The following GSE1 variants were observed in gnomAD, a reference collection of about 807,000 sequenced individuals.
GSE1 encodes Gse1 coiled-coil protein.
A neutral mutation model predicts 112.6 loss-of-function variants in GSE1; 32 were observed. The ratio of observed to expected loss-of-function variants is 0.28; its 90% CI spans 0.21 to 0.38. The LOEUF (loss-of-function observed/expected upper bound fraction) is 0.38, where lower values mean the gene tolerates loss of function less well. Ranked by LOEUF, GSE1 falls within the 10% of genes least tolerant of loss-of-function variation. The pLI, the probability that GSE1 is intolerant of heterozygous loss-of-function variation, is 1.00. For missense variants in GSE1, 2,348 were observed against 1,699.2 expected (o/e 1.38, Z -6.71); for synonymous variants, 1,115 against 735.6 (o/e 1.52, Z -8.35).
At chr16:85,587,607 C>A (rs1461428754) in intron 1 of GSE1, among the ~76,000 whole-genome samples, 5 of 152,116 alleles carry the variant, frequency 3.3e-5, no homozygotes, top group African/African-American at 1.2e-4. Context: ...CAGCCCAGGC[C>A]CCCTGTTGGT....
chr16:85,201,747 T>C (rs2075033260), intron 1 of GSE1, among the ~76,000 whole-genome samples: 1 of 152,150 alleles, frequency 6.6e-6, no homozygotes, highest in African/African-American at 2.4e-5. Flanking sequence ...GCCCCACAGT[T>C]CCAGACTTCA....
chr16:85,219,140 A>T (rs909414553), intron 1 of GSE1, among the ~76,000 whole-genome samples: 1 of 152,056 alleles, frequency 6.6e-6, no homozygotes, highest in Non-Finnish European at 1.5e-5. Context: ...AGCTTCCCAA[A>T]GTACTGGGAT....
intron 1 of GSE1, among the ~76,000 whole-genome samples, chr16:85,309,645 A>G (rs1425506400): frequency 6.6e-6 from 1 of 152,258 alleles, no homozygotes; most frequent in Non-Finnish European, 1.5e-5. Flanking sequence ...CCACAGTGCC[A>G]GGACCTGTCC....
intron 2 of GSE1, among the ~76,000 whole-genome samples, chr16:85,635,086 A>T (rs1206216770): frequency 6.6e-6 from 1 of 152,080 alleles, no homozygotes; most frequent in Non-Finnish European, 1.5e-5. Flanking sequence ...CCGTCTTTAC[A>T]TTACCCGGGT....
In GSE1 at chr16:85,598,013, C is replaced by T. The variant is rs140817068; in HGVS notation, c.37+41650C>T. Among the ~76,000 whole-genome samples the T allele has an allele frequency of 2.6e-3, 402 of 152,120 alleles. 3 individuals carry two copies. Among genetic ancestry groups the T allele is most frequent in the African/African-American group, 9.3e-3 (384 of 41,476 alleles). On this transcript the variant is annotated intron_variant, in intron 1 of 2. Coordinates refer to the GSE1 transcript ENST00000635906. The stretch of plus-strand genomic sequence containing the variant: ...GTAGAGAGGAGAGTGGAAAATGGAA[C>T]ATAAAATACCAAAATGACTGGTGCA...
At position 85,576,812 on chromosome 16, in the gene GSE1, G is replaced by A. The variant is rs2151365431; in HGVS notation, c.37+20449G>A. ...CTGGTGTGTCCTTGGGGATCATGGT[G>A]CTTCTGTCTTGCTTTGCCACTGCAA... On this transcript the variant is annotated intron_variant, in intron 1 of 2. Transcript: ENST00000635906. Among the ~76,000 whole-genome samples, 3 of 152,296 alleles carry A rather than the reference G, an allele frequency of 2.0e-5. No individual in the cohort carries two copies. In the South Asian group the frequency reaches 6.2e-4, roughly 32 times the overall value.
intron 1 of GSE1, among the ~76,000 whole-genome samples, chr16:85,197,538 G>A (rs1259841820): frequency 6.6e-6 from 1 of 152,190 alleles, no homozygotes; most frequent in African/African-American, 2.4e-5. Context: ...AAATAATTCA[G>A]GTCTTCCACT....
exon 1 of GSE1, chr16:85,556,115 G>C: frequency 3.1e-6 from 3 of 976,464 alleles, no homozygotes; most frequent in Non-Finnish European, 3.6e-6. Flanking sequence ...GCTGGTCGGA[G>C]AGAGAGCCTT....
intron 1 of GSE1, among the ~76,000 whole-genome samples, chr16:85,336,894 A>G (rs1268037843): frequency 1.3e-5 from 2 of 152,262 alleles, no homozygotes; most frequent in Non-Finnish European, 2.9e-5. Flanking sequence ...TCACACAGGC[A>G]CACACGTTCG....
At chr16:85,397,366 G>A (rs1376005359) in intron 2 of GSE1, among the ~76,000 whole-genome samples, 1 of 152,244 alleles carries the variant, frequency 6.6e-6, no homozygotes, top group Non-Finnish European at 1.5e-5. Context: ...ACTCGCTGAT[G>A]CAGGTGCTGA....
chr16:85,539,013 C>G (rs1377934734), intron 2 of GSE1, among the ~76,000 whole-genome samples: 1 of 152,244 alleles, frequency 6.6e-6, no homozygotes, highest in African/African-American at 2.4e-5. Flanking sequence ...GGGTGCTCTT[C>G]AAGGCCGGTG....
At chr16:85,317,266 C>G (rs1422445716) in intron 1 of GSE1, among the ~76,000 whole-genome samples, 1 of 152,156 alleles carries the variant, frequency 6.6e-6, no homozygotes, top group Non-Finnish European at 1.5e-5. Flanking sequence ...GCTGCAGGAC[C>G]TCCTGGCTGT....
At chr16:85,303,197 C>T (rs2045573606) in intron 1 of GSE1, among the ~76,000 whole-genome samples, 1 of 152,222 alleles carries the variant, frequency 6.6e-6, no homozygotes, top group African/African-American at 2.4e-5. Context: ...GGCCAAGCAA[C>T]GGGAAGCGGA....
At chr16:85,587,200 T>C (rs1287976969) in intron 1 of GSE1, among the ~76,000 whole-genome samples, 1 of 149,982 alleles carries the variant, frequency 6.7e-6, no homozygotes, top group African/African-American at 2.5e-5. Flanking sequence ...CCCCATGGTC[T>C]GGAGGGCCCG....
chr16:85,657,140 A>G, intron 7 of GSE1, 137 bp from the exon 8 acceptor site: 2 of 588,832 alleles, frequency 3.4e-6, no homozygotes, highest in South Asian at 2.4e-5. Context: ...GCCCCTTCTG[A>G]ATATCTTGGT....
intron 2 of GSE1, among the ~76,000 whole-genome samples, chr16:85,529,472 G>A (rs1220022517): frequency 2.0e-5 from 3 of 152,212 alleles, no homozygotes; most frequent in Non-Finnish European, 4.4e-5. Context: ...AAACCCCAGA[G>A]TTCCAGCTTC....
Position 85,259,190 on chromosome 16 carries a change from C to T in GSE1, c.2283+87383C>T, listed in dbSNP as rs565139571. Reference sequence around the variant, plus strand: ...ATGTCACCAGGGGCGGGGGCTCGTGCCCCTGGTCTCCAAGGAACCCCGGTT... The same window carrying T: ...ATGTCACCAGGGGCGGGGGCTCGTGTCCCTGGTCTCCAAGGAACCCCGGTT... On this transcript the variant is annotated intron_variant, in intron 1 of 2. Transcript: ENST00000637419. Among the ~76,000 whole-genome samples the T allele has an allele frequency of 7.9e-5, 12 of 152,214 alleles. No individual in the cohort carries two copies. The East Asian group carries it at 2.1e-3, about 27-fold the overall frequency.
intron 2 of GSE1, among the ~76,000 whole-genome samples, chr16:85,464,211 G>T (rs2050060633): frequency 6.6e-6 from 1 of 152,130 alleles, no homozygotes; most frequent in Admixed American, 6.5e-5. Flanking sequence ...AACTCAGGGG[G>T]AGAAAGAGTC....
intron 3 of GSE1, among the ~76,000 whole-genome samples, 176 bp from the exon 4 acceptor site, chr16:85,654,102 G>T (rs1037240071): frequency 6.6e-6 from 1 of 152,110 alleles, no homozygotes; most frequent in South Asian, 2.1e-4. Context: ...CCTTTCTTAC[G>T]GTTCTGCTTC....
Sources: gnomAD v4.1 joint callset for allele counts (sites outside exome capture counted in the v4.1 genomes callset) on GRCh38, gnomAD v4.1.1 for gene constraint, MANE v1.5 for transcripts, NCBI Gene and HGNC (gene_info 2026-07-23, HGNC 2026-07-21) for gene names.